The following XIRP2 variants were observed in gnomAD, a reference collection of about 807,000 sequenced individuals.
The protein encoded by XIRP2 is xin actin binding repeat containing 2.
A neutral mutation model predicts 277.0 loss-of-function variants in XIRP2; 236 were observed. The ratio of observed to expected loss-of-function variants is 0.85; its 90% confidence interval spans 0.77 to 0.95. The LOEUF is 0.95. XIRP2 is among the 40% of genes least tolerant of loss of function. The pLI is 0.00. For synonymous variants in XIRP2, 1,490 were observed against 1,416.5 expected (o/e 1.05, Z -1.17); for missense variants, 4,640 against 4,157.5 (o/e 1.12, Z -3.19).
In XIRP2 at chr2:167,251,630, G is replaced by A; in HGVS notation, c.10238G>A (p.Arg3413Lys). The change falls in exon 9 of 11, where the codon AGG becomes AAG. Residue 3413 changes from arginine to lysine, a missense_variant. Coordinates refer to ENST00000409195, the MANE Select transcript of XIRP2 (RefSeq NM_152381.6). ...CAGCCCAGGATCTGCTCTGAAACCAGGTCTCTAAGTGAACATTTCTCAGGC... is the reference window on the plus strand; with the variant it reads ...CAGCCCAGGATCTGCTCTGAAACCAAGTCTCTAAGTGAACATTTCTCAGGC... ...VKQPRICSET[R>K]SLSEHFSGMD... is the part of the protein sequence containing the mutation. 6.2e-7 allele frequency: 1 copy of A among 1,613,440 alleles called. No individual in the cohort carries two copies. Among genetic ancestry groups the A allele is most frequent in the African/African-American group, 1.3e-5 (1 of 74,944 alleles).
chr2:166,934,850 T>TA (rs11372263), intron 2 of XIRP2, among the ~76,000 whole-genome samples: 36,919 of 150,338 alleles, frequency 0.25, 4,824 homozygotes, highest in Admixed American at 0.3. Context: ...CTACTAAAAA[T>TA]AAAAAAAAAA....
intron 4 of XIRP2, among the ~76,000 whole-genome samples, chr2:167,214,789 G>A (rs1402166572): frequency 2.0e-5 from 3 of 151,964 alleles, no homozygotes; most frequent in East Asian, 1.9e-4. Flanking sequence ...GGCTGGTCTC[G>A]AACTCCTGAC....
intron 10 of XIRP2, among the ~76,000 whole-genome samples, chr2:167,256,838 C>T (rs1462814468): frequency 1.3e-5 from 2 of 151,848 alleles, no homozygotes; most frequent in East Asian, 3.9e-4. Flanking sequence ...GGCTTGGCTC[C>T]TCTTCTCCAT....
intron 2 of XIRP2, among the ~76,000 whole-genome samples, chr2:166,952,159 A>G (rs1686052827): frequency 6.6e-6 from 1 of 152,010 alleles, no homozygotes; most frequent in Non-Finnish European, 1.5e-5. Context: ...ATGGCTTCAT[A>G]TAATGATTTG....
chr2:166,987,195 A>C (rs1408178204), intron 2 of XIRP2, among the ~76,000 whole-genome samples: 29 of 152,202 alleles, frequency 1.9e-4, no homozygotes, highest in Admixed American at 1.9e-3. Context: ...TGGGTCCTGC[A>C]AGGGAATGGA....
At chr2:166,903,373 C>T in intron 1 of XIRP2, 92 bp from the exon 2 acceptor site, 1 of 1,325,708 alleles carries the variant, frequency 7.5e-7, no homozygotes, top group Non-Finnish European at 1.0e-6. Flanking sequence ...AAGACCCAAA[C>T]CCCAAGAGCT....
chr2:167,087,729 T>C (rs1351154260), intron 2 of XIRP2, among the ~76,000 whole-genome samples: 1 of 152,178 alleles, frequency 6.6e-6, no homozygotes, highest in Non-Finnish European at 1.5e-5. Flanking sequence ...CACCCCTTTC[T>C]TTGACTCGGA....
chr2:167,082,383 G>A (rs1234832817), intron 2 of XIRP2, among the ~76,000 whole-genome samples: 1 of 151,936 alleles, frequency 6.6e-6, no homozygotes, highest in Non-Finnish European at 1.5e-5. Context: ...CTTTGCTATT[G>A]TGAATAATGC....
intron 3 of XIRP2, among the ~76,000 whole-genome samples, chr2:167,210,028 T>C (rs538827299): frequency 1.7e-4 from 26 of 151,930 alleles, no homozygotes; most frequent in African/African-American, 6.0e-4. Context: ...GCCAAGTAGA[T>C]GGCTTCATGG....
chr2:167,011,535 G>T (rs925593706), intron 2 of XIRP2, among the ~76,000 whole-genome samples: 4 of 151,750 alleles, frequency 2.6e-5, no homozygotes, highest in South Asian at 4.2e-4. Context: ...AAAATGCTCT[G>T]TTTTGGTTGT....
chr2:167,087,240 C>A (rs1184571051), intron 2 of XIRP2, among the ~76,000 whole-genome samples: 1 of 152,176 alleles, frequency 6.6e-6, no homozygotes. Flanking sequence ...GGGATGCCTC[C>A]CAGTTAGGCT....
chr2:167,043,964 A>G (rs1018173746), intron 2 of XIRP2, among the ~76,000 whole-genome samples: 2 of 151,870 alleles, frequency 1.3e-5, no homozygotes, highest in Non-Finnish European at 1.5e-5. Flanking sequence ...AGGAAGAGAG[A>G]TAAGAAAAAA....
intron 3 of XIRP2, among the ~76,000 whole-genome samples, chr2:167,149,948 A>G (rs1181763920): frequency 6.6e-6 from 1 of 152,054 alleles, no homozygotes; most frequent in Non-Finnish European, 1.5e-5. Context: ...TAGGCAAAGT[A>G]TACAAACAAC....
chr2:166,903,970 C>A (rs1558909782), intron 2 of XIRP2, 80 bp downstream of exon 2: 2 of 1,470,798 alleles, frequency 1.4e-6, no homozygotes, highest in African/African-American at 2.8e-5. Flanking sequence ...AGCATGTAAT[C>A]TTTCCCCCCG....
chr2:166,961,631 A>T (rs1686299992), intron 2 of XIRP2, among the ~76,000 whole-genome samples: 1 of 151,790 alleles, frequency 6.6e-6, no homozygotes, highest in African/African-American at 2.4e-5. Context: ...AATAGATATG[A>T]GAAATTTACT....
intron 2 of XIRP2, among the ~76,000 whole-genome samples, chr2:167,034,228 T>A (rs1237783354): frequency 6.6e-6 from 1 of 152,056 alleles, no homozygotes; most frequent in Non-Finnish European, 1.5e-5. Context: ...ATCAGTTTTT[T>A]AAAAATGGGT....
At chr2:167,182,451 C>T (rs775252398) in intron 3 of XIRP2, among the ~76,000 whole-genome samples, 12 of 152,264 alleles carry the variant, frequency 7.9e-5, no homozygotes, top group Non-Finnish European at 1.5e-4. Context: ...CTTGCCAGAG[C>T]CTACCTATTG....
intron 3 of XIRP2, among the ~76,000 whole-genome samples, chr2:167,146,532 T>TGAAAGA (rs1558996441): frequency 3.8e-4 from 57 of 151,242 alleles, no homozygotes; most frequent in African/African-American, 8.5e-4. Flanking sequence ...AGAAAGAAAT[T>TGAAAGA]AATTATAGAG....
At chr2:167,220,997 T>C in intron 5 of XIRP2, among the ~76,000 whole-genome samples, 1 of 152,182 alleles carries the variant, frequency 6.6e-6, no homozygotes, top group South Asian at 2.1e-4. Context: ...AAACTTCAGT[T>C]TCATTATCTA....
Sources: allele counts gnomAD v4.1 joint callset (sites outside exome capture counted in the v4.1 genomes callset), GRCh38; gene constraint gnomAD v4.1.1; transcripts MANE v1.5; gene names NCBI Gene and HGNC (gene_info 2026-07-23, HGNC 2026-07-21).